GNPAT: variants seen among roughly 807,000 people sequenced by gnomAD.
GNPAT encodes glyceronephosphate O-acyltransferase, also known as dihydroxyacetone phosphate acyltransferase.
GNPAT carries 30 observed loss-of-function variants against 78.4 expected under a neutral mutation model. The observed-to-expected ratio is 0.38, with a 90% CI of 0.29 to 0.52. The LOEUF is 0.52. Ranked by LOEUF, GNPAT falls within the 20% of genes least tolerant of loss-of-function variation. GNPAT has a pLI of 0.84. For synonymous variants in GNPAT, 271 were observed against 281.1 expected (o/e 0.96, Z 0.36); for missense variants, 714 against 812.2 (o/e 0.88, Z 1.47).
In GNPAT at chr1:231,252,992, G is replaced by A. The variant is rs373387098; in HGVS notation, c.261+1849G>A. On this transcript the variant is annotated intron_variant, in intron 2 of 15. Coordinates refer to ENST00000366647, the MANE Select transcript of GNPAT (RefSeq NM_014236.4). ...TTATTTTGTTTTGTTTTTTTGAGAC[G>A]GAGTCTTACTCTGTTGCCCAGGCTG... 1.5e-4 allele frequency among the ~76,000 whole-genome samples: 23 copies of A among 151,994 alleles called. No homozygotes were observed. In the South Asian group the frequency reaches 3.3e-3, roughly 22 times the overall value.
At chr1:231,268,289 G>A (rs561057424) in intron 9 of GNPAT, among the ~76,000 whole-genome samples, 15 of 152,208 alleles carry the variant, frequency 9.9e-5, no homozygotes, top group South Asian at 2.1e-4. Flanking sequence ...GCAACAGAGC[G>A]AGACTCTGTC....
At chr1:231,269,753 C>T (rs1056613758) in intron 9 of GNPAT, 1 of 152,114 alleles carries the variant, frequency 6.6e-6, no homozygotes, top group Admixed American at 6.5e-5. Context: ...ACTTGTTTTT[C>T]TAAAGTGTTT....
chr1:231,247,260 G>C (rs1189208676), intron 1 of GNPAT, among the ~76,000 whole-genome samples: 1 of 152,038 alleles, frequency 6.6e-6, no homozygotes, highest in Non-Finnish European at 1.5e-5. Context: ...TCATCGATAG[G>C]GTTCAAAAAG....
chr1:231,250,843 C>T, intron 1 of GNPAT, 118 bp from the exon 2 acceptor site: 1 of 716,740 alleles, frequency 1.4e-6, no homozygotes, highest in Non-Finnish European at 2.6e-6. Context: ...GAACACTCTG[C>T]TCCTGTTCAC....
intron 2 of GNPAT, among the ~76,000 whole-genome samples, chr1:231,256,964 G>C (rs904600820): frequency 6.6e-6 from 1 of 152,212 alleles, no homozygotes; most frequent in African/African-American, 2.4e-5. Context: ...ATGTGGAGAA[G>C]AGACTGAAGA....
At position 231,262,811 on chromosome 1, in the gene GNPAT, A is replaced by T; in HGVS notation, c.527A>T (p.Tyr176Phe). 1 of 1,610,484 alleles carries T rather than the reference A, an allele frequency of 6.2e-7. No homozygotes were observed. Among genetic ancestry groups the T allele is most frequent in the Non-Finnish European group, 8.5e-7 (1 of 1,176,736 alleles). Residue 176 changes from tyrosine (Y) to phenylalanine (F), a missense_variant, in exon 4 of 16, where the codon TAC becomes TTC. Transcript: ENST00000366647. ...IDFLMLSFLL[Y>F]NYDLPVPVIA... The stretch of plus-strand genomic sequence containing the variant: ...TTCCTCATGTTGTCTTTTCTTCTAT[A>T]CAATTATGATTTGCCTGTGCCAGTT...
chr1:231,254,343 C>T (rs1184714097), intron 2 of GNPAT, among the ~76,000 whole-genome samples: 1 of 151,724 alleles, frequency 6.6e-6, no homozygotes, highest in East Asian at 1.9e-4. Flanking sequence ...TTTTCATTCT[C>T]CAAAATGACA....
chr1:231,275,883 T>C (rs1685699854), intron 14 of GNPAT, among the ~76,000 whole-genome samples: 2 of 152,188 alleles, frequency 1.3e-5, no homozygotes, highest in South Asian at 4.1e-4. Context: ...ATGTATGTTC[T>C]TCTAAGTGGT....
rs1486110976 is a variant in GNPAT at position 231,262,753 on chromosome 1, G to A, written c.469G>A (p.Val157Ile). Residue 157 changes from valine (V) to isoleucine (I), a missense_variant, in exon 4 of 16, where the codon GTT becomes ATT. Transcript: ENST00000366647. Reference protein sequence around the residue: ...LQRAIQEHPVVLLPSHRSYID... With the variant: ...LQRAIQEHPVILLPSHRSYID... ...AAGAGCCATCCAGGAGCATCCTGTTGTTCTGCTGCCTAGTCATCGAAGTTA... is the reference window on the plus strand; with the variant it reads ...AAGAGCCATCCAGGAGCATCCTGTTATTCTGCTGCCTAGTCATCGAAGTTA... The A allele has an allele frequency of 6.2e-7, 1 of 1,609,176 alleles. No individual in the cohort carries two copies. The highest frequency in any genetic ancestry group is 8.5e-7 in the Non-Finnish European group (1 of 1,175,528).
At chr1:231,274,159 C>G in intron 12 of GNPAT, 97 bp downstream of exon 12, 1 of 1,051,164 alleles carries the variant, frequency 9.5e-7, no homozygotes, top group South Asian at 1.3e-5. Flanking sequence ...GGGCAGGTAT[C>G]TTCCCCAGGC....
At position 231,277,522 on chromosome 1, in the gene GNPAT, C is replaced by G. The variant is rs749833026; in HGVS notation, c.2023C>G (p.Pro675Ala). ...MLGCKTPIGK[P>A]ATAKL ...AGGTTGTAAGACACCAATAGGAAAA[C>G]CAGCCACTGCAAAACTTTAATAATC... The change falls in exon 16 of 16, where the codon CCA becomes GCA. Residue 675 changes from proline to alanine, a missense_variant. Transcript: ENST00000366647. The G allele has an allele frequency of 6.3e-7, 1 of 1,591,824 alleles. No homozygotes were observed. Among genetic ancestry groups the G allele is most frequent in the East Asian group, 2.2e-5 (1 of 44,796 alleles).
intron 6 of GNPAT, 35 bp downstream of exon 6, chr1:231,265,822 C>A: frequency 7.7e-7 from 1 of 1,299,952 alleles, no homozygotes; most frequent in Non-Finnish European, 1.1e-6. Context: ...AAAATACAAA[C>A]CCAAAGACAT....
intron 1 of GNPAT, among the ~76,000 whole-genome samples, chr1:231,243,880 A>G (rs1262081614): frequency 6.6e-6 from 1 of 151,948 alleles, no homozygotes; most frequent in Admixed American, 6.6e-5. Context: ...GTGTGTGTGT[A>G]TACACATATA....
At chr1:231,270,499 G>C (rs1252233465) in intron 9 of GNPAT, among the ~76,000 whole-genome samples, 1 of 152,148 alleles carries the variant, frequency 6.6e-6, no homozygotes, top group East Asian at 1.9e-4. Flanking sequence ...AAACTGATGT[G>C]CCTTTCAGAA....
chr1:231,261,065 G>A (rs1685210729), intron 3 of GNPAT, among the ~76,000 whole-genome samples: 2 of 152,096 alleles, frequency 1.3e-5, no homozygotes, highest in African/African-American at 2.4e-5. Flanking sequence ...CTAATACTCT[G>A]CTGTGTTTTT....
chr1:231,252,205 G>A (rs868080396), intron 2 of GNPAT, among the ~76,000 whole-genome samples: 5 of 152,310 alleles, frequency 3.3e-5, no homozygotes, highest in Non-Finnish European at 7.3e-5. Flanking sequence ...CTAGACTAGG[G>A]AGTGGTTGTA....
Position 231,273,990 on chromosome 1 carries a change from A to T in GNPAT, c.1671A>T (p.Leu557=). ...TACAAGTGACTACGAAAGACATCCT[A>T]GTTACAGAGAAAGGAAATACTGTGT... ...EAIQVTTKDI[L]VTEKGNTVLE... is the part of the protein sequence containing the mutation. The change falls in exon 12 of 16, where the codon CTA becomes CTT. Residue 557 remains leucine, a synonymous_variant. Coordinates refer to ENST00000366647, the MANE Select transcript of GNPAT (RefSeq NM_014236.4). 1 of 1,610,292 alleles carries T rather than the reference A, an allele frequency of 6.2e-7. No individual in the cohort carries two copies.
intron 1 of GNPAT, among the ~76,000 whole-genome samples, chr1:231,242,787 C>T (rs571857371): frequency 6.6e-6 from 1 of 152,298 alleles, no homozygotes; most frequent in South Asian, 2.1e-4. Flanking sequence ...CCTTTACCAA[C>T]GGTTCTTTAA....
intron 9 of GNPAT, among the ~76,000 whole-genome samples, chr1:231,268,807 G>A (rs1391388115): frequency 6.6e-6 from 1 of 151,584 alleles, no homozygotes; most frequent in Non-Finnish European, 1.5e-5. Flanking sequence ...TCGGGAGGCT[G>A]AGGCAGGAAA....
Sources: gnomAD v4.1 joint callset for allele counts (sites outside exome capture counted in the v4.1 genomes callset) on GRCh38, gnomAD v4.1.1 for gene constraint, MANE v1.5 for transcripts, NCBI Gene and HGNC (gene_info 2026-07-23, HGNC 2026-07-21) for gene names.